The following PIKFYVE variants were observed in gnomAD, a reference collection of about 807,000 sequenced individuals.
PIKFYVE encodes 1-phosphatidylinositol 3-phosphate 5-kinase.
Under a neutral mutation model 257.9 loss-of-function variants are expected in PIKFYVE, and 122 were observed. The observed-to-expected ratio is 0.47, with a 90% CI of 0.41 to 0.55. The LOEUF (loss-of-function observed/expected upper bound fraction) is 0.55. Ranked by LOEUF, PIKFYVE falls within the 20% of genes least tolerant of loss-of-function variation. PIKFYVE has a pLI of 0.00. For synonymous variants in PIKFYVE, 892 were observed against 868.9 expected, an observed-to-expected ratio of 1.03 and a Z score of -0.47; for missense variants, 2,160 against 2,536.6, an observed-to-expected ratio of 0.85 and a Z score of 3.19.
In PIKFYVE at chr2:208,277,594, T is replaced by C. The variant is rs1377444733; in HGVS notation, c.499T>C (p.Cys167Arg). The change falls in exon 5 of 42, where the codon TGT becomes CGT. Residue 167 changes from cysteine (C) to arginine (R), a missense_variant. By Grantham distance (180) the Cys-to-Arg change is radical (BLOSUM62 -3). Coordinates refer to ENST00000264380, the MANE Select transcript of PIKFYVE (RefSeq NM_015040.4). ...PDSQCKECYD[C>R]SEKFTTFRRR... ...TAGCCAATGTAAAGAGTGCTATGAC[T>C]GTAGTGAGAAATTTACAACCTTTAG... 1.2e-6 allele frequency: 2 copies of C among 1,613,934 alleles called. No individual in the cohort carries two copies. The highest frequency in any genetic ancestry group is 1.7e-6 in the Non-Finnish European group (2 of 1,179,808).
chr2:208,336,249 C>G, intron 27 of PIKFYVE, 49 bp downstream of exon 27: 1 of 1,606,176 alleles, frequency 6.2e-7, no homozygotes, highest in Non-Finnish European at 8.5e-7. Flanking sequence ...CACATTTGTT[C>G]TAATGTGATA....
chr2:208,322,221 A>T (rs1251955642), intron 17 of PIKFYVE, among the ~76,000 whole-genome samples: 3 of 151,818 alleles, frequency 2.0e-5, no homozygotes, highest in African/African-American at 7.3e-5. Flanking sequence ...TCCTACAAAA[A>T]ATAGAAAAAA....
rs1276989796 is a variant in PIKFYVE, at chr2:208,285,724, A to G, written c.614-2A>G. On this transcript the variant is annotated splice_acceptor_variant, in intron 5 of 41. Coordinates refer to ENST00000264380, the MANE Select transcript of PIKFYVE (RefSeq NM_015040.4). LOFTEE classifies it high-confidence loss of function. ...GTTTTTGTTTTTGTTTTTTTCTCCT[A>G]GGAGACCTCCGAGCTTGCACATATT... 6.2e-7 allele frequency: 1 copy of G among 1,612,596 alleles called. No homozygotes were observed. Among genetic ancestry groups the G allele is most frequent in the African/African-American group, 1.3e-5 (1 of 74,858 alleles).
At chr2:208,352,563 G>T in intron 38 of PIKFYVE, 91 bp from the exon 39 acceptor site, 1 of 1,434,276 alleles carries the variant, frequency 7.0e-7, no homozygotes, top group Non-Finnish European at 9.5e-7. Flanking sequence ...AGAAAATTAT[G>T]TTCAGTTATT....
intron 5 of PIKFYVE, among the ~76,000 whole-genome samples, chr2:208,283,428 T>C (rs1040165012): frequency 2.6e-5 from 4 of 152,246 alleles, no homozygotes; most frequent in East Asian, 1.9e-4. Context: ...TGAAAACTTT[T>C]ATGATTAGGC....
intron 20 of PIKFYVE, among the ~76,000 whole-genome samples, chr2:208,327,710 ACTT>A (rs1386023873): frequency 1.3e-5 from 2 of 152,126 alleles, no homozygotes; most frequent in Non-Finnish European, 2.9e-5. Context: ...TATTTTATGA[ACTT>A]CTTCATATGC....
intron 11 of PIKFYVE, 39 bp from the exon 12 acceptor site, chr2:208,304,807 C>T (rs761953819): frequency 3.1e-6 from 5 of 1,592,406 alleles, no homozygotes; most frequent in Non-Finnish European, 4.3e-6. Flanking sequence ...TTACTCCCCT[C>T]CTCTCCCTAT....
At chr2:208,349,990 A>G in intron 35 of PIKFYVE, 34 bp from the exon 36 acceptor site, 1 of 1,610,502 alleles carries the variant, frequency 6.2e-7, no homozygotes, top group Non-Finnish European at 8.5e-7. Flanking sequence ...ATTACTCAAA[A>G]CCTTGGCTTT....
In PIKFYVE at chr2:208,329,802, TGG is replaced by T. The variant is rs774893218; in HGVS notation, c.3720-39_3720-38del. 1.4e-5 allele frequency: 23 copies of T among 1,605,844 alleles called. No individual in the cohort carries two copies. In the East Asian group the frequency reaches 4.5e-4, roughly 31 times the overall value. On this transcript the variant is annotated intron_variant, in intron 21 of 41. Coordinates refer to ENST00000264380, the MANE Select transcript of PIKFYVE (RefSeq NM_015040.4). ...GGTCTCATGAAATGTCTCTGGGGCA[TGG>T]TAATTCTTATGTTTCTAAGAGGTGG... is the stretch of plus-strand genomic sequence containing the variant.
rs1478095186 is a variant in PIKFYVE, at chr2:208,326,167, G to A, written c.3356G>A (p.Ser1119Asn). Reference sequence around the variant, plus strand: ...TCTGGACTTCAGGGCATGAATGGAAGTATTCAGGCCAAGTCTATTCAAGTC... The same window carrying A: ...TCTGGACTTCAGGGCATGAATGGAAATATTCAGGCCAAGTCTATTCAAGTC... Reference protein sequence around the residue: ...DLSGLQGMNGSIQAKSIQVLP... With the variant: ...DLSGLQGMNGNIQAKSIQVLP... The change falls in exon 20 of 42, where the codon AGT (serine) becomes AAT (asparagine). Residue 1119 changes from serine (S) to asparagine (N), a missense_variant. Ser to Asn is a conservative substitution (Grantham distance 46, BLOSUM62 1). Coordinates refer to ENST00000264380, the MANE Select transcript of PIKFYVE (RefSeq NM_015040.4). 4 of 1,613,676 alleles carry A rather than the reference G, an allele frequency of 2.5e-6. No homozygotes were observed. Among genetic ancestry groups the A allele is most frequent in the East Asian group, 4.5e-5 (2 of 44,896 alleles).
At position 208,325,427 on chromosome 2, in the gene PIKFYVE, T is replaced by A; in HGVS notation, c.2616T>A (p.Phe872Leu). ...ATCATTCTCAACTAGAAATATCCTT[T>A]CTCATGGATGAATTTGCTATGCCTC... ...VAYHSQLEIS[F>L]LMDEFAMPPT... Residue 872 changes from phenylalanine to leucine, a missense_variant, in exon 20 of 42, where the codon TTT becomes TTA. Around this residue, in one of 12 missense-constraint regions of PIKFYVE, gnomAD observed 522 missense variants for 514.6 expected, o/e 1.01. Transcript: ENST00000264380. The A allele has an allele frequency of 1.2e-6, 2 of 1,614,176 alleles. No individual in the cohort carries two copies. The highest frequency in any genetic ancestry group is 1.7e-6 in the Non-Finnish European group (2 of 1,180,026).
chr2:208,354,036 A>G lies in PIKFYVE; in HGVS notation c.5983A>G (p.Lys1995Glu), dbSNP rs1257446033. ...CCCTCTATATATTCGTTCTCATTCC[A>G]AAGCTGTGCTGAGAACCTCGATCCA... ...DNPLYIRSHSKAVLRTSIHSD... is the reference protein window; with the variant it reads ...DNPLYIRSHSEAVLRTSIHSD... Residue 1995 changes from lysine (K) to glutamate (E), a missense_variant, in exon 40 of 42, where the codon AAA becomes GAA. Lys to Glu is a moderately conservative substitution (Grantham distance 56). Around this residue, in one of 12 missense-constraint regions of PIKFYVE, gnomAD observed 699 missense variants for 855.8 expected, o/e 0.82. Coordinates refer to ENST00000264380, the MANE Select transcript of PIKFYVE (RefSeq NM_015040.4). 1.2e-6 allele frequency: 2 copies of G among 1,614,110 alleles called. No individual in the cohort carries two copies. The highest frequency in any genetic ancestry group is 1.7e-6 in the Non-Finnish European group (2 of 1,179,984).
chr2:208,284,177 A>G (rs1019775603), intron 5 of PIKFYVE, among the ~76,000 whole-genome samples: 1 of 152,098 alleles, frequency 6.6e-6, no homozygotes, highest in African/African-American at 2.4e-5. Context: ...GAAAACTTCT[A>G]TTTGGACAGG....
chr2:208,346,924 C>CAA (rs1699285018), intron 34 of PIKFYVE, among the ~76,000 whole-genome samples: 1 of 152,174 alleles, frequency 6.6e-6, no homozygotes, highest in South Asian at 2.1e-4. Flanking sequence ...TGTTCTCTTT[C>CAA]ATTAGGAAAG....
In PIKFYVE at chr2:208,281,873, G is replaced by A. The variant is rs374700676; in HGVS notation, c.614-3853G>A. Among the ~76,000 whole-genome samples, 5 of 152,178 alleles carry A rather than the reference G, an allele frequency of 3.3e-5. No homozygotes were observed. In the East Asian group the frequency reaches 7.7e-4, roughly 23 times the overall value. Reference sequence around the variant, plus strand: ...AGTTTGTGTTTCAGTTCAGTCACTTGCAGGATGAGAGTGTTGTTCTGATTT... The same window carrying A: ...AGTTTGTGTTTCAGTTCAGTCACTTACAGGATGAGAGTGTTGTTCTGATTT... On this transcript the variant is annotated intron_variant, in intron 5 of 41. Coordinates refer to ENST00000264380, the MANE Select transcript of PIKFYVE (RefSeq NM_015040.4).
In PIKFYVE at chr2:208,333,341, T is replaced by C; in HGVS notation, c.3990T>C (p.Asn1330=). Residue 1330 remains asparagine (N), a synonymous_variant, in exon 24 of 42, where the codon AAT becomes AAC. Transcript: ENST00000264380. ...TAACACCAGTTGTTGCTCTTTCCAA[T>C]GAGTCCTGGTCTATGTCATTTGCAA... is the stretch of plus-strand genomic sequence containing the variant. ...KQVTPVVALS[N]ESWSMSFAKY... is the part of the protein sequence containing the mutation. The C allele has an allele frequency of 1.9e-6, 3 of 1,614,188 alleles. No homozygotes were observed. The highest frequency in any genetic ancestry group is 1.1e-5 in the South Asian group (1 of 91,082).
At chr2:208,329,455 G>T (rs1697274930) in intron 21 of PIKFYVE, among the ~76,000 whole-genome samples, 1 of 152,228 alleles carries the variant, frequency 6.6e-6, no homozygotes, top group African/African-American at 2.4e-5. Flanking sequence ...ACTTTAGCAA[G>T]AACTGCTGTT....
intron 23 of PIKFYVE, among the ~76,000 whole-genome samples, chr2:208,332,055 T>G (rs1697600156): frequency 6.6e-6 from 1 of 152,128 alleles, no homozygotes; most frequent in East Asian, 1.9e-4. Context: ...TTTGTTACAC[T>G]AAAATGAAAA....
Position 208,326,444 on chromosome 2 carries a change from TTTCTG to T in PIKFYVE, c.3618+16_3618+20del. 1 of 1,610,930 alleles carries T rather than the reference TTTCTG, an allele frequency of 6.2e-7. No homozygotes were observed. The highest frequency in any genetic ancestry group is 8.5e-7 in the Non-Finnish European group (1 of 1,177,266). The stretch of plus-strand genomic sequence containing the variant: ...GGTCAACAAAGGTGAGCCAGACCAC[TTTCTG>T]ATGCTCCTGTGCATTTAGGATGTGT... On this transcript the variant is annotated intron_variant, in intron 20 of 41. Coordinates refer to ENST00000264380, the MANE Select transcript of PIKFYVE (RefSeq NM_015040.4).
Sources: gnomAD v4.1 joint callset for allele counts (sites outside exome capture counted in the v4.1 genomes callset) on GRCh38, gnomAD v4.1.1 for gene constraint, gnomAD v4.1.1 regional missense constraint, MANE v1.5 for transcripts, NCBI Gene and HGNC (gene_info 2026-07-23, HGNC 2026-07-21) for gene names.